ADAM32: variants seen among roughly 807,000 people sequenced by gnomAD.
The protein encoded by ADAM32 is ADAM metallopeptidase domain 32, also known as disintegrin and metalloproteinase domain-containing protein 32.
Under a neutral mutation model 114.9 loss-of-function variants are expected in ADAM32, and 89 were observed. The observed-to-expected ratio is 0.77, with a 90% CI of 0.65 to 0.92. The LOEUF (loss-of-function observed/expected upper bound fraction) is 0.92. ADAM32 is among the 40% of genes least tolerant of loss of function. ADAM32 has a pLI of 0.00. For missense variants in ADAM32, 870 were observed against 932.8 expected (o/e 0.93, Z 0.88); for synonymous variants, 285 against 307.5 (o/e 0.93, Z 0.77).
At chr8:39,246,232 A>G in intron 17 of ADAM32, 66 bp downstream of exon 17, 1 of 1,487,722 alleles carries the variant, frequency 6.7e-7, no homozygotes, top group Admixed American at 1.8e-5. Flanking sequence ...TCATTAATTT[A>G]CTGACATTTT....
intron 22 of ADAM32, among the ~76,000 whole-genome samples, chr8:39,276,671 G>A (rs1056150117): frequency 2.0e-5 from 3 of 152,112 alleles, no homozygotes; most frequent in Non-Finnish European, 4.4e-5. Flanking sequence ...TCTTCAATAA[G>A]AATGCCTGCG....
In ADAM32 at chr8:39,211,087, A is replaced by T. The variant is rs1808174566; in HGVS notation, c.1053-57A>T. ...ACATTTTGAAATTAATTTATATCATATAGAAATGTGTTTCCAGAAGTATAC... is the reference window on the plus strand; with the variant it reads ...ACATTTTGAAATTAATTTATATCATTTAGAAATGTGTTTCCAGAAGTATAC... On this transcript the variant is annotated intron_variant, in intron 11 of 24. Coordinates refer to ENST00000379907, the MANE Select transcript of ADAM32 (RefSeq NM_145004.7). 2.3e-6 allele frequency: 3 copies of T among 1,288,370 alleles called. No individual in the cohort carries two copies. The South Asian group carries it at 7.0e-5, about 30-fold the overall frequency. 79.8% of individuals were successfully genotyped at this position (1,288,370 alleles called of 1,614,324 possible).
intron 3 of ADAM32, among the ~76,000 whole-genome samples, chr8:39,143,185 C>T (rs948533385): frequency 6.6e-6 from 1 of 152,032 alleles, no homozygotes; most frequent in Non-Finnish European, 1.5e-5. Flanking sequence ...TTGTTATTAC[C>T]GACCTTCTGA....
chr8:39,201,113 T>C (rs2129447826), intron 11 of ADAM32, among the ~76,000 whole-genome samples: 1 of 152,346 alleles, frequency 6.6e-6, no homozygotes, highest in South Asian at 2.1e-4. Flanking sequence ...GAGGGCTCTT[T>C]TTTGGTTCCA....
chr8:39,137,215 G>A (rs1802856836), intron 3 of ADAM32, among the ~76,000 whole-genome samples: 1 of 152,138 alleles, frequency 6.6e-6, no homozygotes, highest in Admixed American at 6.5e-5. Flanking sequence ...TTAATTCTCT[G>A]ATGCAAGCCC....
chr8:39,275,550 C>T (rs1813021018), intron 21 of ADAM32, among the ~76,000 whole-genome samples: 1 of 152,152 alleles, frequency 6.6e-6, no homozygotes, highest in East Asian at 1.9e-4. Context: ...AGCATGTATT[C>T]TGTGCTAGAA....
chr8:39,116,775 T>C (rs1840394947), intron 1 of ADAM32, among the ~76,000 whole-genome samples: 1 of 152,200 alleles, frequency 6.6e-6, no homozygotes, highest in African/African-American at 2.4e-5. Flanking sequence ...AGCGCTATGT[T>C]GAATGGGAGT....
intron 2 of ADAM32, chr8:39,129,816 G>A: frequency 3.1e-6 from 1 of 318,774 alleles, no homozygotes; most frequent in Non-Finnish European, 6.3e-6. Context: ...TTTTTGGGAA[G>A]ATTTATAATT....
At chr8:39,231,158 C>T (rs1585598136) in intron 14 of ADAM32, among the ~76,000 whole-genome samples, 2 of 152,106 alleles carry the variant, frequency 1.3e-5, no homozygotes, top group Admixed American at 6.6e-5. Flanking sequence ...AAAGGGAGGT[C>T]GCTCTGAGTG....
intron 6 of ADAM32, among the ~76,000 whole-genome samples, chr8:39,154,933 A>G (rs7840009): frequency 0.027 from 4,045 of 151,464 alleles, 200 homozygotes; most frequent in African/African-American, 0.093. Flanking sequence ...GATTCTGGAT[A>G]TTAGTCCTTT....
At chr8:39,186,754 T>G (rs550476578) in intron 10 of ADAM32, among the ~76,000 whole-genome samples, 155 bp from the exon 11 acceptor site, 1 of 152,340 alleles carries the variant, frequency 6.6e-6, no homozygotes, top group South Asian at 2.1e-4. Flanking sequence ...TAAAACTTCA[T>G]AAGAAGAGCT....
intron 11 of ADAM32, among the ~76,000 whole-genome samples, chr8:39,204,588 A>G (rs1807687280): frequency 6.6e-6 from 1 of 152,114 alleles, no homozygotes; most frequent in African/African-American, 2.4e-5. Context: ...TTCCTCCTTT[A>G]GCTTGGGGAA....
intron 17 of ADAM32, among the ~76,000 whole-genome samples, chr8:39,249,847 T>C (rs1227917432): frequency 1.3e-5 from 2 of 152,178 alleles, no homozygotes; most frequent in Non-Finnish European, 2.9e-5. Flanking sequence ...TGAGAGTCTT[T>C]ATTTCATTTC....
At chr8:39,251,755 C>T (rs529919598) in intron 17 of ADAM32, among the ~76,000 whole-genome samples, 44 of 151,736 alleles carry the variant, frequency 2.9e-4, no homozygotes, top group African/African-American at 1.0e-3. Context: ...GCTTATGTTT[C>T]CTGTGCTTTT....
At chr8:39,149,043 G>A (rs1327990195) in intron 4 of ADAM32, among the ~76,000 whole-genome samples, 1 of 152,046 alleles carries the variant, frequency 6.6e-6, no homozygotes. Flanking sequence ...AAGTTTTTAG[G>A]TATAGTATTT....
intron 16 of ADAM32, among the ~76,000 whole-genome samples, chr8:39,240,857 C>T (rs1810507857): frequency 6.6e-6 from 1 of 152,128 alleles, no homozygotes; most frequent in Admixed American, 6.5e-5. Flanking sequence ...ATCTCATGTC[C>T]TCACATTTCA....
At chr8:39,132,635 A>T (rs1802534795) in intron 2 of ADAM32, among the ~76,000 whole-genome samples, 1 of 152,208 alleles carries the variant, frequency 6.6e-6, no homozygotes, top group Non-Finnish European at 1.5e-5. Context: ...TTGAGTTACC[A>T]TCTGGTGTTA....
In ADAM32 at chr8:39,124,421, T is replaced by C. The variant is rs1368662351; in HGVS notation, c.138+6256T>C. On this transcript the variant is annotated intron_variant, in intron 2 of 24. Transcript: ENST00000379907. ...TTACCACATTTTCTTTTTCTTTTTT[T>C]TTTTTTTTATTTTTGAGACGGAGTC... 2.6e-5 allele frequency among the ~76,000 whole-genome samples: 4 copies of C among 151,468 alleles called. No individual in the cohort carries two copies. In the South Asian group the frequency reaches 6.3e-4, roughly 24 times the overall value.
In ADAM32 at chr8:39,107,780, T is replaced by A; in HGVS notation, c.5T>A (p.Phe2Tyr). Residue 2 changes from phenylalanine to tyrosine, a missense_variant, in exon 1 of 25, where the codon TTC (phenylalanine) becomes TAC (tyrosine). By Grantham distance (22) the Phe-to-Tyr change is conservative. Transcript: ENST00000379907. ...TGGCAGCCCCGAAGCCGCACCATGT[T>A]CCGCCTCTGGTTGCTGCTGGCCGGG... M[F>Y]RLWLLLAGLC... is the part of the protein sequence containing the mutation. 1 of 1,550,590 alleles carries A rather than the reference T, an allele frequency of 6.4e-7. No homozygotes were observed. The highest frequency in any genetic ancestry group is 8.7e-7 in the Non-Finnish European group (1 of 1,146,708).
Sources: gnomAD v4.1 joint callset for allele counts (sites outside exome capture counted in the v4.1 genomes callset) on GRCh38, gnomAD v4.1.1 for gene constraint, MANE v1.5 for transcripts, NCBI Gene and HGNC (gene_info 2026-07-23, HGNC 2026-07-21) for gene names.